Variants in PITPNM1 observed in about 807,000 individuals in gnomAD.
The protein encoded by PITPNM1 is membrane-associated phosphatidylinositol transfer protein 1.
Under a neutral mutation model 133.3 loss-of-function variants are expected in PITPNM1, and 74 were observed. The ratio of observed to expected loss-of-function variants is 0.56; its 90% CI spans 0.46 to 0.67. PITPNM1 has a LOEUF of 0.67. Ranked by LOEUF, PITPNM1 falls within the 30% of genes least tolerant of loss-of-function variation. The probability of loss-of-function intolerance (pLI) is 0.00; values close to 1 mark genes in which losing one functional copy is unlikely to be tolerated. For synonymous variants in PITPNM1, 738 were observed against 741.4 expected, an observed-to-expected ratio of 1.00 and a Z score of 0.08; for missense variants, 1,398 against 1,739.5, an observed-to-expected ratio of 0.80 and a Z score of 3.49.
Position 67,499,784 on chromosome 11 carries a change from C to G in PITPNM1, c.1110G>C (p.Lys370Asn), listed in dbSNP as rs1449231993. The change falls in exon 8 of 24, where the codon AAG becomes AAC. Residue 370 changes from lysine (K) to asparagine (N), a missense_variant. By Grantham distance (94) the Lys-to-Asn change is moderately conservative. Transcript: ENST00000356404. ...SEEVFPKEMT[K>N]WNSNDFIDAF... ...CATCAATGAAGTCATTGGAGTTCCA[C>G]TTGGTCATCTCCTTGGGGAAGACCT... 3.9e-6 allele frequency: 6 copies of G among 1,532,116 alleles called. No individual in the cohort carries two copies. The allele number at this position is 1,532,116 out of a possible 1,614,324, so 94.9% of individuals were successfully genotyped here.
Position 67,497,287 on chromosome 11 carries a change from C to A in PITPNM1, c.2090G>T (p.Gly697Val). Residue 697 changes from glycine (G) to valine (V), a missense_variant, in exon 14 of 24, where the codon GGC becomes GTC. Gly to Val is a moderately radical substitution (Grantham distance 109). This residue lies in a region of PITPNM1 where 574 missense variants were observed against 698.7 expected (regional missense o/e 0.82). Transcript: ENST00000356404. ...DFKVSGFFLF[G>V]SPLGLVLALR... ...AGCCAGCACCAGGCCCAGTGGGGAGCCGAAGAGGAAGAAGCCAGAGACCTT... is the reference window on the plus strand; with the variant it reads ...AGCCAGCACCAGGCCCAGTGGGGAGACGAAGAGGAAGAAGCCAGAGACCTT... 3 of 1,612,488 alleles carry A rather than the reference C, an allele frequency of 1.9e-6. No individual in the cohort carries two copies. The highest frequency in any genetic ancestry group is 2.2e-5 in the South Asian group (2 of 91,066).
rs770676476 is a variant in PITPNM1, at chr11:67,497,488, G to A, written c.1940+34C>T. The A allele has an allele frequency of 3.8e-6, 6 of 1,597,964 alleles. No individual in the cohort carries two copies. In the African/African-American group the frequency reaches 6.7e-5, roughly 18 times the overall value. On this transcript the variant is annotated intron_variant, in intron 13 of 23. Transcript: ENST00000356404. ...CTGCTGCCTCTGTAGTCCATCATGTGCCCAGGGTAGGGGTGATGGGGCAGG... is the reference window on the plus strand; with the variant it reads ...CTGCTGCCTCTGTAGTCCATCATGTACCCAGGGTAGGGGTGATGGGGCAGG...
chr11:67,493,924 G>A lies in PITPNM1; in HGVS notation c.3006C>T (p.Val1002=), dbSNP rs768957424. The A allele has an allele frequency of 1.9e-6, 3 of 1,565,432 alleles. No individual in the cohort carries two copies. Among genetic ancestry groups the A allele is most frequent in the South Asian group, 2.4e-5 (2 of 83,998 alleles). The change falls in exon 20 of 24, where the codon GTC becomes GTT. Residue 1002 remains valine, a splice_region_variant and synonymous_variant. Coordinates refer to ENST00000356404, the MANE Select transcript of PITPNM1 (RefSeq NM_004910.3). ...GAGGCCCGGCCAGCCGCGCTCACCTGACCACCATGCGCACGGGGTAGACAC... is the reference window on the plus strand; with the variant it reads ...GAGGCCCGGCCAGCCGCGCTCACCTAACCACCATGCGCACGGGGTAGACAC... ...GIGVYPVRMV[V]RGDHTYAECC...
chr11:67,494,913 G>A lies in PITPNM1; in HGVS notation c.2675C>T (p.Pro892Leu), dbSNP rs1866064505. 1 of 1,612,986 alleles carries A rather than the reference G, an allele frequency of 6.2e-7. No individual in the cohort carries two copies. Among genetic ancestry groups the A allele is most frequent in the Non-Finnish European group, 8.5e-7 (1 of 1,179,834 alleles). The change falls in exon 18 of 24, where the codon CCG becomes CTG. Residue 892 changes from proline to leucine, a missense_variant. This residue lies in a region of PITPNM1 where 574 missense variants were observed against 698.7 expected (regional missense o/e 0.82). Transcript: ENST00000356404. ...ERPQLAECEE[P>L]SIYSPAFPRE... ...GGGGAAGGCCGGGCTGTAGATGGAC[G>A]GCTCCTCGCATTCCGCCAGCTGTGG...
chr11:67,493,101 A>C (rs751059879), intron 22 of PITPNM1, 39 bp from the exon 23 acceptor site: 1 of 1,610,766 alleles, frequency 6.2e-7, no homozygotes, highest in South Asian at 1.1e-5. Context: ...CCAGGGGTGG[A>C]GCCGTGCAGC....
Position 67,492,958 on chromosome 11 carries a change from C to A in PITPNM1, c.3447G>T (p.Val1149=), listed in dbSNP as rs369148871. The A allele has an allele frequency of 9.9e-6, 16 of 1,612,764 alleles. No individual in the cohort carries two copies. The highest frequency in any genetic ancestry group is 1.7e-5 in the Admixed American group (1 of 59,998). Residue 1149 remains valine, a synonymous_variant, in exon 23 of 24, where the codon GTG becomes GTT. Transcript: ENST00000356404. ...PSQTYIVGRA[V]RKLQAQCQFL... ...CCTGGCACTGCGCCTGTAGCTTCCG[C>A]ACGGCACGGCCCACGATGTAGGTCT...
rs1200415383 is a variant in PITPNM1, at chr11:67,498,050, G to T, written c.1675-26C>A. Reference sequence around the variant, plus strand: ...CTGGGTGGGAGCAGGGGCACCATCAGGAGAGGCCTTGTCCTCACCCAGGCC... The same window carrying T: ...CTGGGTGGGAGCAGGGGCACCATCATGAGAGGCCTTGTCCTCACCCAGGCC... On this transcript the variant is annotated intron_variant, in intron 11 of 23. Transcript: ENST00000356404. The surrounding 1 kb of genome is among the most constrained non-coding windows in gnomAD (Gnocchi z 5.7). The T allele has an allele frequency of 1.2e-6, 2 of 1,608,498 alleles. No homozygotes were observed. The highest frequency in any genetic ancestry group is 2.2e-5 in the South Asian group (2 of 91,044).
Position 67,493,285 on chromosome 11 carries a change from G to A in PITPNM1, c.3342+125C>T, listed in dbSNP as rs969879464. 3 of 1,153,886 alleles carry A rather than the reference G, an allele frequency of 2.6e-6. No individual in the cohort carries two copies. In the South Asian group the frequency reaches 4.7e-5, roughly 18 times the overall value. 71.5% of individuals were successfully genotyped at this position (1,153,886 alleles called of 1,614,324 possible). ...TAGGGGAGCAGGACCGTAGCGGGCCGCTGCAGTCAGGCAGGGCCCGGGCCG... is the reference window on the plus strand; with the variant it reads ...TAGGGGAGCAGGACCGTAGCGGGCCACTGCAGTCAGGCAGGGCCCGGGCCG... On this transcript the variant is annotated intron_variant, in intron 22 of 23. Transcript: ENST00000356404.
intron 15 of PITPNM1, 97 bp from the exon 16 acceptor site, chr11:67,495,699 C>A: frequency 8.1e-7 from 1 of 1,230,562 alleles, no homozygotes; most frequent in Non-Finnish European, 1.1e-6. Context: ...TCCTGTGGCC[C>A]CTCTGGTCAG....
intron 16 of PITPNM1, 56 bp from the exon 17 acceptor site, chr11:67,495,281 G>C: frequency 6.6e-7 from 1 of 1,522,550 alleles, no homozygotes; most frequent in African/African-American, 1.4e-5. Context: ...CCATCTGCCT[G>C]GGCGCTGGGT....
At position 67,497,897 on chromosome 11, in the gene PITPNM1, C is replaced by G. The variant is rs373947707; in HGVS notation, c.1782+20G>C. 1 of 1,605,462 alleles carries G rather than the reference C, an allele frequency of 6.2e-7. No homozygotes were observed. The highest frequency in any genetic ancestry group is 8.5e-7 in the Non-Finnish European group (1 of 1,176,268). On this transcript the variant is annotated intron_variant, in intron 12 of 23. Coordinates refer to ENST00000356404, the MANE Select transcript of PITPNM1 (RefSeq NM_004910.3). ...GAGGGCCTTTCCGCTCCTGAGGAGGCCGGGTTTGGCTATACTGACCATGCT... is the reference window on the plus strand; with the variant it reads ...GAGGGCCTTTCCGCTCCTGAGGAGGGCGGGTTTGGCTATACTGACCATGCT...
In PITPNM1 at chr11:67,495,674, G is replaced by A; in HGVS notation, c.2318-72C>T. ...CCTGTCTTCTCACCCAGGGCTCCCCGCACCTCTGCCATCTTCCTGTGGCCC... is the reference window on the plus strand; with the variant it reads ...CCTGTCTTCTCACCCAGGGCTCCCCACACCTCTGCCATCTTCCTGTGGCCC... On this transcript the variant is annotated intron_variant, in intron 15 of 23. Transcript: ENST00000356404. 6 of 1,385,694 alleles carry A rather than the reference G, an allele frequency of 4.3e-6. No individual in the cohort carries two copies. The East Asian group carries it at 7.8e-5, about 18-fold the overall frequency. The allele number at this position is 1,385,694 out of a possible 1,614,324, so 85.8% of individuals were successfully genotyped here. A position where few individuals can be genotyped will look rare whatever the true frequency, so the allele number is the denominator to read the frequency against.
In PITPNM1 at chr11:67,498,493, G is replaced by A. The variant is rs1406957889; in HGVS notation, c.1484+103C>T. On this transcript the variant is annotated intron_variant, in intron 10 of 23. Transcript: ENST00000356404. This position sits in a 1 kb window ranked among gnomAD's most constrained non-coding sequence, Gnocchi z 5.7. ...CTCCAGAACAGGTCCAGCCATGCCA[G>A]TGACCGACCCAGGTGTCTGGCTTCC... 2 of 1,511,114 alleles carry A rather than the reference G, an allele frequency of 1.3e-6. No individual in the cohort carries two copies. The highest frequency in any genetic ancestry group is 1.8e-6 in the Non-Finnish European group (2 of 1,123,760). The allele number at this position is 1,511,114 out of a possible 1,614,324, so 93.6% of individuals were successfully genotyped here.
Position 67,497,250 on chromosome 11 carries a change from A to G in PITPNM1, c.2127T>C (p.Thr709=), listed in dbSNP as rs1490748000. 6.2e-7 allele frequency: 1 copy of G among 1,608,912 alleles called. No individual in the cohort carries two copies. The highest frequency in any genetic ancestry group is 8.5e-7 in the Non-Finnish European group (1 of 1,177,358). The change falls in exon 14 of 24, where the codon ACT becomes ACC. Residue 709 remains threonine, a synonymous_variant. Coordinates refer to ENST00000356404, the MANE Select transcript of PITPNM1 (RefSeq NM_004910.3). ...ACTCACCCTCCAGGGCGGGCATCAC[A>G]GTTTTGCGCAGAGCCAGCACCAGGC... ...PLGLVLALRK[T]VMPALEAAQM... is the part of the protein sequence containing the mutation.
intron 2 of PITPNM1, 115 bp downstream of exon 2, chr11:67,503,988 G>T: frequency 1.4e-6 from 1 of 693,466 alleles, no homozygotes; most frequent in Non-Finnish European, 2.4e-6. Flanking sequence ...CACATCTGAA[G>T]GGGGGCCTCT....
intron 15 of PITPNM1, 147 bp downstream of exon 15, chr11:67,496,031 C>A (rs1866107205): frequency 3.7e-6 from 3 of 808,294 alleles, no homozygotes; most frequent in South Asian, 2.5e-5. Context: ...GGATCCAGAC[C>A]CCCCCAGGGG....
intron 18 of PITPNM1, among the ~76,000 whole-genome samples, 171 bp downstream of exon 18, chr11:67,494,675 C>T (rs1240439820): frequency 1.7e-5 from 2 of 117,408 alleles, no homozygotes; most frequent in East Asian, 2.7e-4. Flanking sequence ...TTCCCAGGGG[C>T]GGGGCTGGGG....
chr11:67,499,751 G>A lies in PITPNM1; in HGVS notation c.1143C>T (p.Ala381=), dbSNP rs772624837. Residue 381 remains alanine (A), a synonymous_variant, in exon 8 of 24, where the codon GCC becomes GCT. Coordinates refer to ENST00000356404, the MANE Select transcript of PITPNM1 (RefSeq NM_004910.3). The part of the protein sequence containing the change: ...WNSNDFIDAF[A]SPVEAEGTPE... ...GCGTTCCCTCTGCCTCCACTGGGGAGGCAAAGGCATCAATGAAGTCATTGG... is the reference window on the plus strand; with the variant it reads ...GCGTTCCCTCTGCCTCCACTGGGGAAGCAAAGGCATCAATGAAGTCATTGG... 2.0e-6 allele frequency: 3 copies of A among 1,514,146 alleles called. No individual in the cohort carries two copies. Among genetic ancestry groups the A allele is most frequent in the Admixed American group, 2.1e-5 (1 of 46,974 alleles). 93.8% of individuals were successfully genotyped at this position (1,514,146 alleles called of 1,614,324 possible).
rs1351043796 is a variant in PITPNM1, at chr11:67,498,789, G to A, written c.1291C>T (p.Leu431Phe). The A allele has an allele frequency of 6.2e-7, 1 of 1,612,658 alleles. No individual in the cohort carries two copies. The highest frequency in any genetic ancestry group is 8.5e-7 in the Non-Finnish European group (1 of 1,179,986). The change falls in exon 10 of 24, where the codon CTT (leucine) becomes TTT (phenylalanine). Residue 431 changes from leucine to phenylalanine, a missense_variant. By Grantham distance (22) the Leu-to-Phe change is conservative. This residue lies in a region of PITPNM1 where 574 missense variants were observed against 698.7 expected (regional missense o/e 0.82). Coordinates refer to ENST00000356404, the MANE Select transcript of PITPNM1 (RefSeq NM_004910.3). The surrounding 1 kb of genome is among the most constrained non-coding windows in gnomAD (Gnocchi z 5.7). ...AEACAVHALF[L>F]ILHSGNILDS... Reference sequence around the variant, plus strand: ...AGGATGTTGCCGCTGTGCAGGATAAGGAAGAGGGCGTGGACTGCGCATGCC... The same window carrying A: ...AGGATGTTGCCGCTGTGCAGGATAAAGAAGAGGGCGTGGACTGCGCATGCC...
Sources: gnomAD v4.1 joint callset for allele counts (sites outside exome capture counted in the v4.1 genomes callset) on GRCh38, gnomAD v4.1.1 for gene constraint, gnomAD v4.1.1 regional missense constraint, Gnocchi (gnomAD v3.1) non-coding constraint, MANE v1.5 for transcripts, NCBI Gene and HGNC (gene_info 2026-07-23, HGNC 2026-07-21) for gene names.